Variants in MICOS10 observed in about 807,000 individuals in gnomAD.
MICOS10 encodes mitochondrial contact site and cristae organizing system subunit 10.
MICOS10 carries 5 observed loss-of-function variants against 13.4 expected under a neutral mutation model. That is an observed-to-expected ratio of 0.37 (90% CI 0.20 to 0.78). The LOEUF (loss-of-function observed/expected upper bound fraction) is 0.78. MICOS10 is among the 30% of genes least tolerant of loss of function. The probability of loss-of-function intolerance (pLI) is 0.47; values close to 1 mark genes in which losing one functional copy is unlikely to be tolerated. For synonymous variants in MICOS10, 35 were observed against 33.6 expected (o/e 1.04, Z -0.15); for missense variants, 101 against 94.6 (o/e 1.07, Z -0.28).
In MICOS10 at chr1:19,623,487, A is replaced by ATTAGCC. The variant is rs1267801962; in HGVS notation, c.129_134dup (p.Leu43_Ala44dup). 1 of 1,611,576 alleles carries ATTAGCC rather than the reference A, an allele frequency of 6.2e-7. No homozygotes were observed. Among genetic ancestry groups the ATTAGCC allele is most frequent in the Admixed American group, 1.7e-5 (1 of 59,974 alleles). On this transcript the variant is annotated inframe_insertion, in exon 3 of 4. Transcript: ENST00000322753. ...TTTGCTCACTAGGAAGAATGTGGCC[A>ATTAGCC]TTAGCCTTCGGTTCTGGCATGGGAT... is the stretch of plus-strand genomic sequence containing the variant.
intron 3 of MICOS10, chr1:19,625,643 T>G: frequency 7.8e-7 from 1 of 1,284,864 alleles, no homozygotes; most frequent in Non-Finnish European, 1.0e-6. Flanking sequence ...GTCTTTTGCT[T>G]AAAACATTTC....
At chr1:19,621,614 C>G (rs965988207) in intron 1 of MICOS10, among the ~76,000 whole-genome samples, 1 of 152,190 alleles carries the variant, frequency 6.6e-6, no homozygotes, top group Admixed American at 6.5e-5. Flanking sequence ...CCTAGATATT[C>G]TGGCTTGTGT....
intron 1 of MICOS10, among the ~76,000 whole-genome samples, chr1:19,620,068 G>A (rs1274241827): frequency 6.6e-6 from 1 of 152,244 alleles, no homozygotes; most frequent in Non-Finnish European, 1.5e-5. Context: ...TGCTTCCAGG[G>A]AAGGTGAAAA....
chr1:19,608,994 CTTTTTTTTTTTTTTT>C (rs5772856), intron 1 of MICOS10, among the ~76,000 whole-genome samples: 1 of 60,592 alleles, frequency 1.7e-5, no homozygotes, highest in Non-Finnish European at 3.0e-5. Context: ...CTTTTCCCAG[CTTTTTTTTTTTTTTT>C]TTTTTTTTTT....
chr1:19,626,397 A>G lies in MICOS10; in HGVS notation c.233A>G (p.Gln78Arg). 1 of 1,613,984 alleles carries G rather than the reference A, an allele frequency of 6.2e-7. No individual in the cohort carries two copies. The highest frequency in any genetic ancestry group is 8.5e-7 in the Non-Finnish European group (1 of 1,179,856). ...GTCCTTGCTTTACAGGAGCAGGAGC[A>G]GTGACTTCACCTGAGAACATCCCAG... ...LHGKYVKEQE[Q>R] Residue 78 changes from glutamine to arginine, a missense_variant, in exon 4 of 4, where the codon CAG becomes CGG. Gln to Arg is a conservative substitution (Grantham distance 43). Transcript: ENST00000322753.
At chr1:19,613,286 A>T (rs904272929) in intron 1 of MICOS10, among the ~76,000 whole-genome samples, 2 of 152,204 alleles carry the variant, frequency 1.3e-5, no homozygotes, top group African/African-American at 4.8e-5. Flanking sequence ...TTGCTGCCAG[A>T]GTGAACTACA....
intron 2 of MICOS10, among the ~76,000 whole-genome samples, 164 bp from the exon 3 acceptor site, chr1:19,623,310 T>G (rs567057934): frequency 2.0e-5 from 3 of 152,336 alleles, no homozygotes; most frequent in African/African-American, 4.8e-5. Flanking sequence ...ACCTCTTTTT[T>G]GGGGCCATTG....
At position 19,611,469 on chromosome 1, in the gene MICOS10, A is replaced by ATTTTTTTTTTTTTTTT. The variant is rs768118529; in HGVS notation, c.65-10624_65-10609dup. On this transcript the variant is annotated intron_variant, in intron 1 of 3. Transcript: ENST00000322753. Reference sequence around the variant, plus strand: ...TTCTCTTTATTCCAGTTGCAACTTGATTTTTTTTTTTTTTTTTTTTTTGAG... The same window carrying ATTTTTTTTTTTTTTTT: ...TTCTCTTTATTCCAGTTGCAACTTGATTTTTTTTTTTTTTTTTTTTTTTTTTTTTTTTTTTTTTGAG... 1.0e-4 allele frequency among the ~76,000 whole-genome samples: 9 copies of ATTTTTTTTTTTTTTTT among 90,372 alleles called. 1 individual carries two copies. The highest frequency in any genetic ancestry group is 4.7e-4 in the African/African-American group (9 of 19,306). The allele number at this position is 90,372 out of a possible 152,430, so 59.3% of individuals were successfully genotyped here. A position where few individuals can be genotyped will look rare whatever the true frequency, so the allele number is the denominator to read the frequency against.
At chr1:19,614,425 C>T (rs1376808312) in intron 1 of MICOS10, 1 of 151,834 alleles carries the variant, frequency 6.6e-6, no homozygotes, top group Non-Finnish European at 1.5e-5. Flanking sequence ...CACACACACA[C>T]ATTCACTCTC....
chr1:19,625,265 TAAC>T, intron 3 of MICOS10: 1 of 1,000,228 alleles, frequency 1.0e-6, no homozygotes, highest in Non-Finnish European at 1.3e-6. Flanking sequence ...TGTTCCACTG[TAAC>T]AACAAGTAGA....
chr1:19,621,644 A>G (rs1010069545), intron 1 of MICOS10, among the ~76,000 whole-genome samples: 1 of 152,152 alleles, frequency 6.6e-6, no homozygotes, highest in African/African-American at 2.4e-5. Flanking sequence ...GCCTTTAGGA[A>G]TTGTTCTGGA....
In MICOS10 at chr1:19,624,428, A is replaced by G. The variant is rs2094915267; in HGVS notation, c.222+845A>G. The stretch of plus-strand genomic sequence containing the variant: ...CAGCCTCCCGAGTAGCTGGGATTAC[A>G]GGCACGAGCCACTCACGCCCGGCTA... On this transcript the variant is annotated intron_variant, in intron 3 of 3. Transcript: ENST00000322753. Among the ~76,000 whole-genome samples the G allele has an allele frequency of 3.9e-5, 6 of 152,098 alleles. No homozygotes were observed. In the South Asian group the frequency reaches 1.2e-3, roughly 32 times the overall value.
chr1:19,621,903 A>G (rs527838531), intron 1 of MICOS10, among the ~76,000 whole-genome samples, 197 bp from the exon 2 acceptor site: 13 of 152,120 alleles, frequency 8.5e-5, no homozygotes, highest in Admixed American at 3.3e-4. Context: ...TCAAGTTTTT[A>G]TTTCATGTTG....
intron 1 of MICOS10, among the ~76,000 whole-genome samples, chr1:19,613,631 TATC>T (rs1334410427): frequency 2.0e-5 from 3 of 152,332 alleles, no homozygotes; most frequent in Middle Eastern, 3.4e-3. Context: ...TGCGGGAACT[TATC>T]ATTCCCCAGG....
chr1:19,616,717 C>G (rs1004931924), intron 1 of MICOS10, among the ~76,000 whole-genome samples: 4 of 152,132 alleles, frequency 2.6e-5, no homozygotes, highest in Non-Finnish European at 5.9e-5. Context: ...GAGGTCTATC[C>G]CTTTGTGTAG....
intron 1 of MICOS10, among the ~76,000 whole-genome samples, chr1:19,603,235 C>T (rs1368202936): frequency 2.0e-5 from 3 of 152,102 alleles, no homozygotes; most frequent in Non-Finnish European, 4.4e-5. Context: ...GAGGCTGAGG[C>T]AGGAGAATAG....
At position 19,610,034 on chromosome 1, in the gene MICOS10, C is replaced by T. The variant is rs893077586; in HGVS notation, c.65-12066C>T. ...GTGCTCACCTGTAATCCCAGCTACT[C>T]GGGAGGGTGAGGCAGGAGAATCTCT... is the stretch of plus-strand genomic sequence containing the variant. On this transcript the variant is annotated intron_variant, in intron 1 of 3. Coordinates refer to ENST00000322753, the MANE Select transcript of MICOS10 (RefSeq NM_001032363.4). Among the ~76,000 whole-genome samples, 14 of 151,992 alleles carry T rather than the reference C, an allele frequency of 9.2e-5. 1 individual carries two copies. Among genetic ancestry groups the T allele is most frequent in the Admixed American group, 6.6e-4 (10 of 15,248 alleles).
At chr1:19,598,728 A>G (rs1384122307) in intron 1 of MICOS10, among the ~76,000 whole-genome samples, 3 of 152,110 alleles carry the variant, frequency 2.0e-5, no homozygotes, top group Admixed American at 6.6e-5. Flanking sequence ...CTTTGGGTAA[A>G]GTCTCTTTCT....
Position 19,597,102 on chromosome 1 carries a change from G to T in MICOS10, c.57G>T (p.Val19=), listed in dbSNP as rs1320701053. ...ACCGGTGTCTGGCGGATGCGGTCGT[G>T]AAGATAGGTAAGGGGCTTTTCGCCC... ...KWDRCLADAV[V]KIGTGFGLGI... Residue 19 remains valine, a synonymous_variant, in exon 1 of 4, where the codon GTG becomes GTT. Coordinates refer to ENST00000322753, the MANE Select transcript of MICOS10 (RefSeq NM_001032363.4). The T allele has an allele frequency of 1.2e-6, 2 of 1,601,310 alleles. No individual in the cohort carries two copies. Among genetic ancestry groups the T allele is most frequent in the Non-Finnish European group, 1.7e-6 (2 of 1,174,686 alleles).
Sources: gnomAD v4.1 joint callset for allele counts (sites outside exome capture counted in the v4.1 genomes callset) on GRCh38, gnomAD v4.1.1 for gene constraint, MANE v1.5 for transcripts, NCBI Gene and HGNC (gene_info 2026-07-23, HGNC 2026-07-21) for gene names.